Variants in PCDHA9 observed in about 807,000 individuals in gnomAD.
PCDHA9 encodes protocadherin alpha-9.
A neutral mutation model predicts 62.0 loss-of-function variants in PCDHA9; 62 were observed. The observed-to-expected ratio is 1.00, with a 90% CI of 0.81 to 1.23. The LOEUF is 1.23. Ranked by LOEUF, PCDHA9 falls within the 50% of genes most tolerant of loss-of-function variation. PCDHA9 has a pLI of 0.00. For synonymous variants in PCDHA9, 557 were observed against 567.6 expected (o/e 0.98, Z 0.27); for missense variants, 1,205 against 1,249.8 (o/e 0.96, Z 0.54).
At chr5:140,939,350 A>G (rs2153641006) in intron 1 of PCDHA9, among the ~76,000 whole-genome samples, 1 of 152,266 alleles carries the variant, frequency 6.6e-6, no homozygotes, top group East Asian at 1.9e-4. Context: ...ATTTCAACTT[A>G]TGATTGCAAA....
intron 1 of PCDHA9, chr5:140,969,495 C>G: frequency 7.0e-7 from 1 of 1,437,888 alleles, no homozygotes; most frequent in Non-Finnish European, 9.2e-7. Context: ...TATTTCCTCT[C>G]TAGAAAAATA....
chr5:140,971,203 T>A (rs1586466173), intron 1 of PCDHA9, among the ~76,000 whole-genome samples: 2 of 152,308 alleles, frequency 1.3e-5, no homozygotes, highest in Middle Eastern at 6.8e-3. Context: ...GGAAAGACAC[T>A]GTTACCCTCC....
chr5:140,861,061 A>G (rs1278905276), intron 1 of PCDHA9: 1 of 152,226 alleles, frequency 6.6e-6, no homozygotes, highest in Admixed American at 6.5e-5. Context: ...AGAAAATCAG[A>G]TTATTCCTAG....
At chr5:140,933,848 C>T (rs1176922942) in intron 1 of PCDHA9, among the ~76,000 whole-genome samples, 6 of 151,862 alleles carry the variant, frequency 4.0e-5, no homozygotes, top group African/African-American at 1.5e-4. Context: ...ATTCCTGTAC[C>T]TTTAATTTTT....
chr5:140,969,826 A>G (rs782339572), intron 1 of PCDHA9, among the ~76,000 whole-genome samples: 24 of 152,344 alleles, frequency 1.6e-4, no homozygotes, highest in Middle Eastern at 3.4e-3. Flanking sequence ...TGGACTGTCT[A>G]CAGTGGAAAT....
At chr5:140,976,248 T>G (rs1476905185) in intron 1 of PCDHA9, among the ~76,000 whole-genome samples, 5 of 152,032 alleles carry the variant, frequency 3.3e-5, no homozygotes, top group African/African-American at 9.7e-5. Context: ...TCATGTAAAT[T>G]TATTTAAAAC....
At position 140,850,219 on chromosome 5, in the gene PCDHA9, G is replaced by A. The variant is rs201367294; in HGVS notation, c.1724G>A (p.Gly575Asp). The change falls in exon 1 of 4, where the codon GGC becomes GAC. Residue 575 changes from glycine (G) to aspartate (D), a missense_variant. This residue lies in a region of PCDHA9 where 887 missense variants were observed against 809.5 expected (regional missense o/e 1.10). Coordinates refer to ENST00000532602, the MANE Select transcript of PCDHA9 (RefSeq NM_031857.2). ...LLTPRMRGTD[G>D]AVSEMVLRSV... ...ACACCTCGGATGAGGGGCACTGACG[G>A]CGCAGTGAGCGAGATGGTGCTGCGG... 1.1e-5 allele frequency: 17 copies of A among 1,593,552 alleles called. 1 individual carries two copies. The highest frequency in any genetic ancestry group is 1.3e-5 in the African/African-American group (1 of 74,312).
In PCDHA9 at chr5:140,913,634, C is replaced by T. The variant is rs145807488; in HGVS notation, c.2394+62745C>T. On this transcript the variant is annotated intron_variant, in intron 1 of 3. Transcript: ENST00000532602. ...TACTAATTTTGGATTCAGTTTGCTG[C>T]TGCTTTTCTAGTTCTTTAAGATGTA... Among the ~76,000 whole-genome samples the T allele has an allele frequency of 8.0e-3, 1,219 of 152,090 alleles. 7 individuals carry two copies. Among genetic ancestry groups the T allele is most frequent in the African/African-American group, 0.019 (785 of 41,506 alleles).
In PCDHA9 at chr5:140,968,565, C is replaced by T. The variant is rs532751675; in HGVS notation, c.2395-10384C>T. ...GAGATGGTGCCTCGAACTGCCCCTG[C>T]TGGCTACCTGGTCACCAAAGTCATA... is the stretch of plus-strand genomic sequence containing the variant. On this transcript the variant is annotated intron_variant, in intron 1 of 3. Coordinates refer to ENST00000532602, the MANE Select transcript of PCDHA9 (RefSeq NM_031857.2). 4.3e-6 allele frequency: 7 copies of T among 1,614,206 alleles called. No homozygotes were observed. The African/African-American group carries it at 6.7e-5, about 15-fold the overall frequency.
chr5:140,938,166 G>A (rs2091953104), intron 1 of PCDHA9, among the ~76,000 whole-genome samples: 2 of 151,980 alleles, frequency 1.3e-5, no homozygotes, highest in South Asian at 4.1e-4. Flanking sequence ...GGCTAGTCTG[G>A]AGCTCCTGGG....
chr5:140,968,955 A>G, intron 1 of PCDHA9: 2 of 1,614,220 alleles, frequency 1.2e-6, no homozygotes, highest in Non-Finnish European at 1.7e-6. Flanking sequence ...AGCATCATCA[A>G]GTGCTACCGC....
At chr5:140,884,621 G>C (rs116377419) in intron 1 of PCDHA9, 2 of 1,613,996 alleles carry the variant, frequency 1.2e-6, no homozygotes, top group South Asian at 2.2e-5. Context: ...TTCTGCAGAG[G>C]GAACAGGCCA....
In PCDHA9 at chr5:140,969,339, A is replaced by G. The variant is rs1563390643; in HGVS notation, c.2395-9610A>G. On this transcript the variant is annotated intron_variant, in intron 1 of 3. Transcript: ENST00000532602. ...GCTGTTTCTCAAAATGAGGTGAGAC[A>G]GTGGTCAGGGGGTCTTCTACAAACT... 5 of 1,613,830 alleles carry G rather than the reference A, an allele frequency of 3.1e-6. No homozygotes were observed. The South Asian group carries it at 4.4e-5, about 14-fold the overall frequency.
intron 3 of PCDHA9, among the ~76,000 whole-genome samples, chr5:140,986,383 A>G (rs1277624649): frequency 2.6e-5 from 4 of 152,178 alleles, no homozygotes; most frequent in Admixed American, 1.3e-4. Flanking sequence ...GGGGAGGGAC[A>G]TTAAAGGGCC....
rs372349337 is a variant in PCDHA9, at chr5:140,882,421, C to A, written c.2394+31532C>A. On this transcript the variant is annotated intron_variant, in intron 1 of 3. Transcript: ENST00000532602. ...CCTTCGTGGGCCGCATCGCTCAGGA[C>A]CTGGGGCTGGAGCTGGCGGAGCTGG... is the stretch of plus-strand genomic sequence containing the variant. 5.0e-6 allele frequency: 8 copies of A among 1,613,986 alleles called. No homozygotes were observed. The African/African-American group carries it at 8.0e-5, about 16-fold the overall frequency.
intron 1 of PCDHA9, chr5:140,929,006 C>G: frequency 6.2e-7 from 1 of 1,614,050 alleles, no homozygotes; most frequent in Non-Finnish European, 8.5e-7. Context: ...TTCGTGTGTA[C>G]CAAGTTGCAC....
chr5:140,939,851 A>G (rs1313215259), intron 1 of PCDHA9, among the ~76,000 whole-genome samples: 2 of 152,206 alleles, frequency 1.3e-5, no homozygotes, highest in African/African-American at 4.8e-5. Context: ...TGTGTTCTGT[A>G]TATGTCCATT....
At chr5:140,867,109 A>G (rs2049756406) in intron 1 of PCDHA9, 3 of 152,146 alleles carry the variant, frequency 2.0e-5, no homozygotes, top group South Asian at 2.1e-4. Context: ...CTAAATTAAC[A>G]TATTGTTTTA....
intron 3 of PCDHA9, among the ~76,000 whole-genome samples, chr5:140,992,543 T>G (rs1226407687): frequency 6.6e-6 from 1 of 152,186 alleles, no homozygotes; most frequent in African/African-American, 2.4e-5. Flanking sequence ...CTGTCACAAG[T>G]GATGCCAGGA....
Sources: gnomAD v4.1 joint callset for allele counts (sites outside exome capture counted in the v4.1 genomes callset) on GRCh38, gnomAD v4.1.1 for gene constraint, gnomAD v4.1.1 regional missense constraint, MANE v1.5 for transcripts, NCBI Gene and HGNC (gene_info 2026-07-23, HGNC 2026-07-21) for gene names.